The following SYCE1L variants were observed in gnomAD, a reference collection of about 807,000 sequenced individuals.
The protein encoded by SYCE1L is synaptonemal complex central element protein 1 like, also known as synaptonemal complex central element protein 1-like.
In SYCE1L, 51 loss-of-function variants were observed where a neutral mutation model predicts 39.6. The observed-to-expected ratio is 1.29, with a 90% CI of 1.03 to 1.63. The LOEUF (loss-of-function observed/expected upper bound fraction) is 1.63, where lower values mean the gene tolerates loss of function less well. SYCE1L is among the 40% of genes most tolerant of loss of function. The probability of loss-of-function intolerance (pLI) is 0.00; values close to 1 mark genes in which losing one functional copy is unlikely to be tolerated. For missense variants in SYCE1L, 426 were observed against 304.9 expected, an observed-to-expected ratio of 1.40 and a Z score of -2.96; for synonymous variants, 147 against 122.4, an observed-to-expected ratio of 1.20 and a Z score of -1.33.
chr16:77,206,366 TG>T, intron 1 of SYCE1L, 74 bp from the exon 2 acceptor site: 2 of 1,374,692 alleles, frequency 1.5e-6, no homozygotes, highest in South Asian at 2.5e-5. Context: ...CAGAGCCCAC[TG>T]GGACTTCCTG....
intron 1 of SYCE1L, 41 bp downstream of exon 1, chr16:77,199,553 A>G: frequency 7.0e-7 from 1 of 1,424,362 alleles, no homozygotes; most frequent in Non-Finnish European, 9.7e-7. Context: ...CTCTCCAACC[A>G]GGGCAGAAAG....
At chr16:77,205,043 T>TTAA (rs1567425183) in intron 1 of SYCE1L, among the ~76,000 whole-genome samples, 1 of 45,336 alleles carries the variant, frequency 2.2e-5, no homozygotes, top group Non-Finnish European at 7.0e-5. Flanking sequence ...AGACTCCATC[T>TTAA]CAAAAAAAAA....
chr16:77,209,336 C>T (rs2054807165), intron 5 of SYCE1L, 81 bp from the exon 6 acceptor site: 2 of 1,462,950 alleles, frequency 1.4e-6, no homozygotes, highest in Admixed American at 2.0e-5. Context: ...CAATGCCTGA[C>T]ATGATGTGGG....
Position 77,213,200 on chromosome 16 carries a change from C to A in SYCE1L, c.*269C>A. On this transcript the variant is annotated 3_prime_UTR_variant, in exon 11 of 11. Coordinates refer to ENST00000378644, the MANE Select transcript of SYCE1L (RefSeq NM_001129979.3). ...CCGCCCCACGGCCTCATCTCGAGTT[C>A]CCAAACCATCTATGTTGTCAACAGG... 2.7e-6 allele frequency: 1 copy of A among 373,504 alleles called. No individual in the cohort carries two copies. Among genetic ancestry groups the A allele is most frequent in the Non-Finnish European group, 4.8e-6 (1 of 209,930 alleles). 23.1% of individuals were successfully genotyped at this position (373,504 alleles called of 1,614,324 possible).
intron 2 of SYCE1L, among the ~76,000 whole-genome samples, chr16:77,207,130 C>G (rs2054791223): frequency 1.3e-5 from 2 of 152,176 alleles, no homozygotes; most frequent in Non-Finnish European, 2.9e-5. Flanking sequence ...GCTAGAAATG[C>G]AGTGATCCAA....
intron 1 of SYCE1L, chr16:77,201,656 T>C (rs1423122203): frequency 6.6e-6 from 1 of 151,954 alleles, no homozygotes; most frequent in Admixed American, 6.6e-5. Context: ...GTCACTGGAG[T>C]GTTGATGTAG....
chr16:77,208,285 T>C lies in SYCE1L; in HGVS notation c.181+16T>C. The C allele has an allele frequency of 6.4e-7, 1 of 1,551,488 alleles. No individual in the cohort carries two copies. The highest frequency in any genetic ancestry group is 8.7e-7 in the Non-Finnish European group (1 of 1,146,908). On this transcript the variant is annotated intron_variant, in intron 3 of 10. Coordinates refer to ENST00000378644, the MANE Select transcript of SYCE1L (RefSeq NM_001129979.3). Reference sequence around the variant, plus strand: ...CTTCAGCAAGGTAAACTTGGGGACTTAGACTGGCCAGCTGGGGCGAGCAGG... The same window carrying C: ...CTTCAGCAAGGTAAACTTGGGGACTCAGACTGGCCAGCTGGGGCGAGCAGG...
intron 1 of SYCE1L, among the ~76,000 whole-genome samples, chr16:77,206,053 T>G (rs978241115): frequency 1.3e-5 from 2 of 152,206 alleles, no homozygotes; most frequent in African/African-American, 4.8e-5. Context: ...AATTTATAAA[T>G]TATGAGCTAT....
intron 1 of SYCE1L, among the ~76,000 whole-genome samples, chr16:77,204,296 T>A (rs1340951339): frequency 6.6e-6 from 1 of 152,152 alleles, no homozygotes; most frequent in African/African-American, 2.4e-5. Flanking sequence ...TTAAATTGTG[T>A]CCCTCCAAAA....
At position 77,211,317 on chromosome 16, in the gene SYCE1L, C is replaced by A. The variant is rs960684082; in HGVS notation, c.423+41C>A. The A allele has an allele frequency of 7.7e-6, 12 of 1,548,882 alleles. No homozygotes were observed. In the African/African-American group the frequency reaches 9.6e-5, roughly 12 times the overall value. ...TGCCTGCAACCAAAGCCACTCCTCC[C>A]TGGCTTTAGTGTCGCACTGACTGGC... On this transcript the variant is annotated intron_variant, in intron 7 of 10. Transcript: ENST00000378644.
intron 7 of SYCE1L, 136 bp downstream of exon 7, chr16:77,211,412 C>A: frequency 9.8e-7 from 1 of 1,018,890 alleles, no homozygotes. Flanking sequence ...GCTTGCCCAC[C>A]TATTCAGTCC....
chr16:77,207,845 A>G lies in SYCE1L; in HGVS notation c.122-365A>G, dbSNP rs577185804. ...TCTGCCTTGTTGCACTCTGCCTGGA[A>G]TGGGTCCCCCCTCCATACTCTTTAC... is the stretch of plus-strand genomic sequence containing the variant. On this transcript the variant is annotated intron_variant, in intron 2 of 10. Coordinates refer to ENST00000378644, the MANE Select transcript of SYCE1L (RefSeq NM_001129979.3). 1.8e-3 allele frequency among the ~76,000 whole-genome samples: 276 copies of G among 152,212 alleles called. 1 individual carries two copies. The highest frequency in any genetic ancestry group is 3.5e-3 in the Non-Finnish European group (237 of 67,998).
At position 77,212,932 on chromosome 16, in the gene SYCE1L, G is replaced by C; in HGVS notation, c.*1G>C. On this transcript the variant is annotated 3_prime_UTR_variant, in exon 11 of 11. Coordinates refer to ENST00000378644, the MANE Select transcript of SYCE1L (RefSeq NM_001129979.3). ...GGTGGCTGCCCCTGACGCCCTCTAG[G>C]CCAGCAGGACCCGCCCGTTCCCGAC... 1 of 1,518,334 alleles carries C rather than the reference G, an allele frequency of 6.6e-7. No homozygotes were observed. Among genetic ancestry groups the C allele is most frequent in the South Asian group, 1.2e-5 (1 of 81,864 alleles). 94.1% of individuals were successfully genotyped at this position (1,518,334 alleles called of 1,614,324 possible). A position where few individuals can be genotyped will look rare whatever the true frequency, so the allele number is the denominator to read the frequency against.
chr16:77,200,030 C>T (rs1055829531), intron 1 of SYCE1L: 4 of 150,786 alleles, frequency 2.7e-5, no homozygotes, highest in African/African-American at 9.8e-5. Flanking sequence ...GTATTCCATC[C>T]AAAAGAAAAA....
chr16:77,208,491 A>G lies in SYCE1L; in HGVS notation c.208A>G (p.Arg70Gly), dbSNP rs1422513897. ...AAAGAAGAAATCCAGTGAGGAACTG[A>G]GAGAGACCCACAGTCTCTGGGAGGC... ...QAKKKSSEEL[R>G]ETHSLWEALH... Residue 70 changes from arginine to glycine, a missense_variant, in exon 4 of 11, where the codon AGA becomes GGA. Physicochemically the swap from Arg to Gly is moderately radical, Grantham distance 125 (BLOSUM62 -2). Transcript: ENST00000378644. 1.3e-6 allele frequency: 2 copies of G among 1,551,702 alleles called. No homozygotes were observed.
chr16:77,206,509 T>G lies in SYCE1L; in HGVS notation c.121+9T>G. 1 of 1,551,628 alleles carries G rather than the reference T, an allele frequency of 6.4e-7. No homozygotes were observed. ...GATAAAGCTGCAGAAAGGTCATGTG[T>G]CTCTTTGTTTCTGAGCCTCAGCCTG... On this transcript the variant is annotated intron_variant, in intron 2 of 10. Transcript: ENST00000378644.
intron 6 of SYCE1L, among the ~76,000 whole-genome samples, chr16:77,210,506 C>T (rs557518238): frequency 4.6e-5 from 7 of 152,268 alleles, no homozygotes; most frequent in Admixed American, 1.3e-4. Context: ...ACCTAATCCT[C>T]ACAATGATAA....
intron 6 of SYCE1L, 46 bp downstream of exon 6, chr16:77,209,517 A>C (rs1389061882): frequency 6.5e-7 from 1 of 1,545,232 alleles, no homozygotes; most frequent in Non-Finnish European, 8.8e-7. Flanking sequence ...TCCCCAGCTG[A>C]AAAAGGAGGG....
intron 1 of SYCE1L, chr16:77,201,654 A>C (rs146499878): frequency 6.6e-6 from 1 of 152,170 alleles, no homozygotes; most frequent in African/African-American, 2.4e-5. Flanking sequence ...TGGTCACTGG[A>C]GTGTTGATGT....
Sources: gnomAD v4.1 joint callset for allele counts (sites outside exome capture counted in the v4.1 genomes callset) on GRCh38, gnomAD v4.1.1 for gene constraint, MANE v1.5 for transcripts, NCBI Gene and HGNC (gene_info 2026-07-23, HGNC 2026-07-21) for gene names.